Variants in ANO4 observed in about 807,000 individuals in gnomAD.
ANO4 encodes the protein anoctamin 4, also known as anoctamin-4.
A neutral mutation model predicts 141.9 loss-of-function variants in ANO4; 69 were observed. The ratio of observed to expected loss-of-function variants is 0.49; its 90% CI spans 0.40 to 0.59. ANO4 has a LOEUF of 0.59. Ranked by LOEUF, ANO4 falls within the 20% of genes least tolerant of loss-of-function variation. The pLI is 0.00. For synonymous variants in ANO4, 350 were observed against 394.3 expected (o/e 0.89, Z 1.33); for missense variants, 894 against 1,162.2 (o/e 0.77, Z 3.36).
intron 1 of ANO4, among the ~76,000 whole-genome samples, chr12:100,868,754 C>A (rs569449225): frequency 7.9e-5 from 12 of 152,284 alleles, no homozygotes; most frequent in Non-Finnish European, 1.6e-4. Context: ...CTTCACCACT[C>A]CCATTTCTGA....
At chr12:100,722,297 T>C (rs987474955) in intron 1 of ANO4, among the ~76,000 whole-genome samples, 4 of 152,216 alleles carry the variant, frequency 2.6e-5, no homozygotes, top group African/African-American at 9.6e-5. Context: ...CTGGTTCCTC[T>C]GCTTCTAGTC....
intron 2 of ANO4, among the ~76,000 whole-genome samples, chr12:100,917,268 C>T (rs2136086215): frequency 6.6e-6 from 1 of 151,764 alleles, no homozygotes; most frequent in Middle Eastern, 3.4e-3. Flanking sequence ...GTTTAGTTTC[C>T]TTAGGATTGT....
chr12:101,106,010 T>G (rs10778100), intron 22 of ANO4, among the ~76,000 whole-genome samples: 76,475 of 151,870 alleles, frequency 0.5, 21,584 homozygotes, highest in African/African-American at 0.78. Context: ...TGGAGGCTGA[T>G]GCAGAGAATC....
chr12:100,728,097 T>C lies in ANO4; in HGVS notation c.23-5677T>C, dbSNP rs1316179105. Reference sequence around the variant, plus strand: ...ATATTAGACATTAAAATTATTATTTTATATTGACAGTAGAGTTGCCCACAT... The same window carrying C: ...ATATTAGACATTAAAATTATTATTTCATATTGACAGTAGAGTTGCCCACAT... On this transcript the variant is annotated intron_variant, in intron 1 of 29. Coordinates refer to the ANO4 transcript ENST00000644049. 6.6e-5 allele frequency among the ~76,000 whole-genome samples: 10 copies of C among 151,246 alleles called. No individual in the cohort carries two copies. The South Asian group carries it at 2.1e-3, about 32-fold the overall frequency.
At chr12:100,809,457 G>A (rs1226226539) in intron 1 of ANO4, among the ~76,000 whole-genome samples, 1 of 151,894 alleles carries the variant, frequency 6.6e-6, no homozygotes, top group African/African-American at 2.4e-5. Flanking sequence ...TGGAGTGGGA[G>A]AGCCTCAAGC....
intron 8 of ANO4, among the ~76,000 whole-genome samples, chr12:101,014,196 A>G (rs190749250): frequency 1.7e-4 from 26 of 152,316 alleles, no homozygotes; most frequent in African/African-American, 5.8e-4. Context: ...ATGACCCAGC[A>G]TATCACAGCA....
intron 1 of ANO4, among the ~76,000 whole-genome samples, chr12:100,890,566 T>C (rs190612978): frequency 2.0e-4 from 31 of 152,340 alleles, no homozygotes; most frequent in Admixed American, 1.9e-3. Flanking sequence ...AATGGTGAGA[T>C]AGCCATGTCT....
intron 27 of ANO4, 140 bp downstream of exon 27, chr12:101,127,214 C>A: frequency 1.1e-6 from 1 of 952,026 alleles, no homozygotes; most frequent in Non-Finnish European, 1.5e-6. Context: ...CCAAAAGAAG[C>A]TTGTTTTTTA....
chr12:101,083,632 GTGAGCACCTCT>G, intron 15 of ANO4, 35 bp from the exon 16 acceptor site: 1 of 1,560,280 alleles, frequency 6.4e-7, no homozygotes, highest in Non-Finnish European at 8.6e-7. Context: ...TTTTTATTGT[GTGAGCACCTCT>G]TTAGTGCATT....
chr12:101,085,952 T>A (rs2049474956), intron 16 of ANO4, among the ~76,000 whole-genome samples: 1 of 152,158 alleles, frequency 6.6e-6, no homozygotes, highest in Non-Finnish European at 1.5e-5. Context: ...CTGAAAAAGA[T>A]GTAACCATAT....
chr12:100,912,393 AAAAAAAAAAAAAAAAAGAAAAAAG>A (rs532377568), intron 2 of ANO4, among the ~76,000 whole-genome samples: 1,721 of 48,448 alleles, frequency 0.036, 13 homozygotes, highest in Middle Eastern at 0.073. Flanking sequence ...GGACTCTGTC[AAAAAAAAAAAAAAAAAGAAAAAAG>A]AAAAAAAAAA....
intron 3 of ANO4, among the ~76,000 whole-genome samples, chr12:100,766,793 A>C (rs1339479174): frequency 6.6e-6 from 1 of 152,058 alleles, no homozygotes; most frequent in African/African-American, 2.4e-5. Flanking sequence ...TAAACTGTTT[A>C]TTATTAAAAA....
chr12:100,971,835 T>C (rs934824842), intron 6 of ANO4, among the ~76,000 whole-genome samples: 3 of 151,552 alleles, frequency 2.0e-5, no homozygotes, highest in Non-Finnish European at 4.4e-5. Context: ...AGAAATTTCA[T>C]GACAGTGTGA....
intron 2 of ANO4, among the ~76,000 whole-genome samples, chr12:100,904,655 G>T (rs1440880142): frequency 1.3e-5 from 2 of 152,122 alleles, no homozygotes; most frequent in East Asian, 1.9e-4. Context: ...ACTCAGTGAG[G>T]TTGTAGGGAC....
intron 1 of ANO4, among the ~76,000 whole-genome samples, chr12:100,850,420 C>T (rs1236166966): frequency 6.6e-6 from 1 of 152,144 alleles, no homozygotes; most frequent in East Asian, 1.9e-4. Context: ...GATAGAATTT[C>T]ACATAGTGCT....
intron 10 of ANO4, 35 bp downstream of exon 10, chr12:101,037,185 A>G (rs763389303): frequency 6.2e-7 from 1 of 1,602,798 alleles, no homozygotes; most frequent in Non-Finnish European, 8.5e-7. Flanking sequence ...TCTTTCTTTC[A>G]ATCGTTTGTT....
At chr12:100,876,080 A>G (rs986375108) in intron 1 of ANO4, among the ~76,000 whole-genome samples, 3 of 152,168 alleles carry the variant, frequency 2.0e-5, no homozygotes, top group Non-Finnish European at 4.4e-5. Context: ...TTACTGTTGC[A>G]GTCTTGAAAT....
chr12:100,807,271 G>C (rs916398742), intron 1 of ANO4, among the ~76,000 whole-genome samples: 1 of 152,144 alleles, frequency 6.6e-6, no homozygotes, highest in Non-Finnish European at 1.5e-5. Context: ...TGACATGGAA[G>C]GGTATCATCA....
chr12:100,836,329 T>C (rs756881058), intron 1 of ANO4, among the ~76,000 whole-genome samples: 1 of 152,064 alleles, frequency 6.6e-6, no homozygotes, highest in Admixed American at 6.6e-5. Flanking sequence ...GAATAAAATA[T>C]GAAGTCTTTT....
Sources: gnomAD v4.1 joint callset for allele counts (sites outside exome capture counted in the v4.1 genomes callset) on GRCh38, gnomAD v4.1.1 for gene constraint, MANE v1.5 for transcripts, NCBI Gene and HGNC (gene_info 2026-07-23, HGNC 2026-07-21) for gene names.